Variants in INPP5F observed in about 807,000 individuals in gnomAD.
INPP5F encodes the protein inositol polyphosphate-5-phosphatase F.
A neutral mutation model predicts 137.2 loss-of-function variants in INPP5F; 97 were observed. The observed-to-expected ratio is 0.71, with a 90% CI of 0.60 to 0.84. The LOEUF (loss-of-function observed/expected upper bound fraction) is 0.84, where lower values mean the gene tolerates loss of function less well. Ranked by LOEUF, INPP5F falls within the 40% of genes least tolerant of loss-of-function variation. INPP5F has a pLI of 0.00. For missense variants in INPP5F, 1,271 were observed against 1,371.9 expected (o/e 0.93, Z 1.16); for synonymous variants, 504 against 476.9 (o/e 1.06, Z -0.74).
At chr10:119,772,742 T>A (rs189539471) in intron 2 of INPP5F, among the ~76,000 whole-genome samples, 4 of 152,220 alleles carry the variant, frequency 2.6e-5, no homozygotes, top group Admixed American at 2.6e-4. Flanking sequence ...TATTTCAACA[T>A]TGTTTTAATT....
rs568906541 is a variant in INPP5F, at chr10:119,747,305, C to A, written c.98-3771C>A. ...GTGGTATGATCTCAGTTCACTGCAG[C>A]CTCCACTCCTGGTTCAAGCAATTCT... On this transcript the variant is annotated intron_variant, in intron 1 of 19. Coordinates refer to ENST00000650623, the MANE Select transcript of INPP5F (RefSeq NM_014937.4). Among the ~76,000 whole-genome samples the A allele has an allele frequency of 6.6e-5, 10 of 151,826 alleles. No individual in the cohort carries two copies. In the South Asian group the frequency reaches 2.1e-3, roughly 32 times the overall value.
intron 9 of INPP5F, among the ~76,000 whole-genome samples, chr10:119,800,939 C>G (rs1850565624): frequency 9.8e-6 from 1 of 101,944 alleles, no homozygotes; most frequent in Non-Finnish European, 2.0e-5. Flanking sequence ...CAGAGCAACA[C>G]TCTGTCTCAA....
intron 3 of INPP5F, among the ~76,000 whole-genome samples, chr10:119,785,276 C>T (rs1425937456): frequency 8.2e-6 from 1 of 122,126 alleles, no homozygotes; most frequent in Non-Finnish European, 1.7e-5. Context: ...TTTTGTGGAA[C>T]TGCCAGACTG....
chr10:119,783,368 C>T (rs1479900968), intron 3 of INPP5F, among the ~76,000 whole-genome samples: 4 of 152,226 alleles, frequency 2.6e-5, no homozygotes, highest in Non-Finnish European at 2.9e-5. Context: ...AGCACTAAGA[C>T]TGGGGTCTCT....
chr10:119,726,417 C>A, intron 1 of INPP5F, 58 bp downstream of exon 1: 3 of 1,024,764 alleles, frequency 2.9e-6, no homozygotes, highest in South Asian at 4.1e-5. Flanking sequence ...GAGGAGGGGG[C>A]GCGGCCGGAC....
chr10:119,794,725 G>T (rs1850274237), intron 6 of INPP5F, among the ~76,000 whole-genome samples: 1 of 147,286 alleles, frequency 6.8e-6, no homozygotes, highest in South Asian at 2.1e-4. Context: ...CCCGGACGGG[G>T]CGGCTGGCCA....
chr10:119,823,787 T>C (rs1417620231), intron 18 of INPP5F, 28 bp from the exon 19 acceptor site: 1 of 1,567,946 alleles, frequency 6.4e-7, no homozygotes, highest in African/African-American at 1.4e-5. Context: ...TATGGAGAAA[T>C]TGGCAGGCAG....
chr10:119,781,561 G>T, intron 2 of INPP5F, 74 bp from the exon 3 acceptor site: 3 of 1,298,288 alleles, frequency 2.3e-6, no homozygotes, highest in Admixed American at 2.5e-5. Flanking sequence ...TCATTGTTAG[G>T]TTATTCACCT....
chr10:119,755,747 C>T (rs558324552), intron 2 of INPP5F, among the ~76,000 whole-genome samples: 13 of 152,156 alleles, frequency 8.5e-5, no homozygotes, highest in Non-Finnish European at 1.3e-4. Context: ...ACAATTGCCT[C>T]GAATCAGGTG....
rs7077684 is a variant in INPP5F, at chr10:119,770,073, A to T, written c.179-11562A>T. Among the ~76,000 whole-genome samples, 1,494 of 152,168 alleles carry T rather than the reference A, an allele frequency of 9.8e-3. 20 individuals are homozygous for T. Among genetic ancestry groups the T allele is most frequent in the African/African-American group, 0.034 (1,428 of 41,488 alleles). On this transcript the variant is annotated intron_variant, in intron 2 of 19. Transcript: ENST00000650623. ...GTCAAGCAATTGAATCTTTTCCAGG[A>T]CTATTGTTTTAGCTTGCCCTACTGG...
At chr10:119,785,348 C>T (rs1203411712) in intron 3 of INPP5F, among the ~76,000 whole-genome samples, 3 of 141,412 alleles carry the variant, frequency 2.1e-5, no homozygotes, top group African/African-American at 5.3e-5. Context: ...TGCAGTGGCA[C>T]GATCTCGGCT....
chr10:119,824,703 C>A (rs1851695919), intron 19 of INPP5F, among the ~76,000 whole-genome samples: 1 of 152,130 alleles, frequency 6.6e-6, no homozygotes, highest in South Asian at 2.1e-4. Context: ...TAAGACTATT[C>A]ATTTTCATAA....
intron 9 of INPP5F, among the ~76,000 whole-genome samples, chr10:119,801,947 C>T (rs758259026): frequency 6.6e-6 from 1 of 152,178 alleles, no homozygotes; most frequent in South Asian, 2.1e-4. Flanking sequence ...TGATTTCGAA[C>T]AGTACCCCAA....
At chr10:119,812,967 G>A (rs1851103062) in intron 15 of INPP5F, among the ~76,000 whole-genome samples, 2 of 151,818 alleles carry the variant, frequency 1.3e-5, no homozygotes, top group South Asian at 4.2e-4. Context: ...ATAACTGCTG[G>A]CAGCACACCT....
At position 119,826,797 on chromosome 10, in the gene INPP5F, T is replaced by C. The variant is rs754142270; in HGVS notation, c.2416T>C (p.Phe806Leu). 3 of 1,613,534 alleles carry C rather than the reference T, an allele frequency of 1.9e-6. No individual in the cohort carries two copies. In the African/African-American group the frequency reaches 4.0e-5, roughly 22 times the overall value. ...NIGNLRKLGNFTKPEMKVNFL... is the reference protein window; with the variant it reads ...NIGNLRKLGNLTKPEMKVNFL... ...TGGCAACCTCCGAAAGCTAGGAAAC[T>C]TTACCAAACCTGAAATGAAAGTTAA... The change falls in exon 20 of 20, where the codon TTT becomes CTT. Residue 806 changes from phenylalanine (F) to leucine (L), a missense_variant. Phe to Leu is a conservative substitution (Grantham distance 22, BLOSUM62 0). Transcript: ENST00000650623.
intron 1 of INPP5F, among the ~76,000 whole-genome samples, chr10:119,733,117 A>G (rs1848130857): frequency 6.6e-6 from 1 of 152,206 alleles, no homozygotes; most frequent in African/African-American, 2.4e-5. Flanking sequence ...GCTGAAATGT[A>G]TCTTTAGCTA....
chr10:119,730,962 T>G (rs926375696), intron 1 of INPP5F, among the ~76,000 whole-genome samples: 3 of 152,052 alleles, frequency 2.0e-5, no homozygotes, highest in Non-Finnish European at 4.4e-5. Flanking sequence ...TAATTTTTTG[T>G]ATTTTTAGTA....
At chr10:119,766,333 C>T (rs564775392) in intron 2 of INPP5F, among the ~76,000 whole-genome samples, 1 of 152,140 alleles carries the variant, frequency 6.6e-6, no homozygotes, top group Non-Finnish European at 1.5e-5. Context: ...CTGGGCATCC[C>T]TTCCCAGTCA....
intron 2 of INPP5F, among the ~76,000 whole-genome samples, chr10:119,775,963 T>C (rs909513869): frequency 1.3e-5 from 2 of 152,196 alleles, no homozygotes; most frequent in Non-Finnish European, 2.9e-5. Flanking sequence ...AGATGTTCAG[T>C]AAACATTAAT....
Sources: allele counts gnomAD v4.1 joint callset (sites outside exome capture counted in the v4.1 genomes callset), GRCh38; gene constraint gnomAD v4.1.1; transcripts MANE v1.5; gene names NCBI Gene and HGNC (gene_info 2026-07-23, HGNC 2026-07-21).